The following FMR1NB variants were observed in gnomAD, a reference collection of about 807,000 sequenced individuals.
FMR1NB encodes FMR1 neighbor, also known as FMR1 neighbor protein.
Under a neutral mutation model 16.8 loss-of-function variants are expected in FMR1NB, and 10 were observed. The observed-to-expected ratio is 0.60, with a 90% CI of 0.37 to 1.01. The LOEUF is 1.01. FMR1NB is among the 50% of genes least tolerant of loss of function. The pLI, the probability that FMR1NB is intolerant of heterozygous loss-of-function variation, is 0.01. For missense variants in FMR1NB, 205 were observed against 204.8 expected (o/e 1.00, Z 0.00); for synonymous variants, 83 against 79.1 (o/e 1.05, Z -0.26).
At chrX:148,006,094 G>A (rs2044594766) in intron 2 of FMR1NB, among the ~76,000 whole-genome samples, 1 of 107,825 alleles carries the variant, frequency 9.3e-6, no homozygotes, top group Admixed American at 9.7e-5. Flanking sequence ...TTAGATTCAG[G>A]TATGTACGAA....
chrX:147,999,528 C>G (rs1206772847), intron 1 of FMR1NB, among the ~76,000 whole-genome samples: 12 of 90,242 alleles, frequency 1.3e-4, no homozygotes, highest in African/African-American at 5.4e-4. Context: ...CCAGCTACTT[C>G]TAGTCTTTTT....
intron 4 of FMR1NB, among the ~76,000 whole-genome samples, chrX:148,016,516 T>A (rs1306074428): frequency 8.9e-5 from 10 of 111,753 alleles, no homozygotes; most frequent in African/African-American, 3.3e-4. Context: ...GGTGGCCTTG[T>A]GGTCTTCTCC....
In FMR1NB at chrX:148,000,062, A is replaced by G. The variant is rs7878507; in HGVS notation, c.278-3139A>G. Among the ~76,000 whole-genome samples the G allele has an allele frequency of 3.5e-3, 390 of 111,699 alleles. 2 individuals carry two copies. Among genetic ancestry groups the G allele is most frequent in the African/African-American group, 0.012 (375 of 30,805 alleles). On this transcript the variant is annotated intron_variant, in intron 1 of 5. Transcript: ENST00000370467. Reference sequence around the variant, plus strand: ...CATTTATAATAGAGTTCATTGTGAGAGTACACATTCAAATGTATGTGTATG... The same window carrying G: ...CATTTATAATAGAGTTCATTGTGAGGGTACACATTCAAATGTATGTGTATG...
intron 1 of FMR1NB, among the ~76,000 whole-genome samples, chrX:147,992,409 C>T (rs782611427): frequency 4.6e-5 from 1 of 21,648 alleles, no homozygotes; most frequent in African/African-American, 2.5e-4. Flanking sequence ...CCAGTAGGGG[C>T]CGCCGGGCAG....
At chrX:148,021,867 CCA>C (rs1226785632) in intron 4 of FMR1NB, among the ~76,000 whole-genome samples, 1 of 109,948 alleles carries the variant, frequency 9.1e-6, no homozygotes, top group African/African-American at 3.3e-5. Context: ...CTCTTTTCTC[CCA>C]GTCTGCCATC....
At chrX:147,982,455 G>A (rs191902780) in intron 1 of FMR1NB, among the ~76,000 whole-genome samples, 2,139 of 109,087 alleles carry the variant, frequency 0.02, 45 homozygotes, top group African/African-American at 0.069. Flanking sequence ...TGGGCGTGGT[G>A]GCATTCACCT....
chrX:148,015,315 AATTT>A (rs1377565987), intron 4 of FMR1NB, among the ~76,000 whole-genome samples: 1 of 110,801 alleles, frequency 9.0e-6, no homozygotes, highest in Admixed American at 9.6e-5. Flanking sequence ...CTTCATTTCA[AATTT>A]ATTTATTTCT....
At chrX:148,005,383 C>T (rs1255787651) in intron 2 of FMR1NB, among the ~76,000 whole-genome samples, 2 of 111,200 alleles carry the variant, frequency 1.8e-5, no homozygotes, top group African/African-American at 6.5e-5. Flanking sequence ...AAATCCATCC[C>T]ATCTCTGAGT....
chrX:148,000,787 T>TA (rs1322063368), intron 1 of FMR1NB, among the ~76,000 whole-genome samples: 2 of 111,662 alleles, frequency 1.8e-5, no homozygotes, highest in East Asian at 5.6e-4. Context: ...CATTATGAAA[T>TA]ATTAGCACAT....
At chrX:147,982,164 C>A (rs1338082066) in intron 1 of FMR1NB, among the ~76,000 whole-genome samples, 1 of 111,201 alleles carries the variant, frequency 9.0e-6, no homozygotes, top group African/African-American at 3.3e-5. Flanking sequence ...GTGGTGCACG[C>A]CTGTAATCCC....
chrX:148,017,166 C>T (rs1557190196), intron 4 of FMR1NB, among the ~76,000 whole-genome samples: 1 of 110,798 alleles, frequency 9.0e-6, no homozygotes, highest in Non-Finnish European at 1.9e-5. Context: ...CGTATTTTTC[C>T]TTCAGCACCT....
intron 1 of FMR1NB, among the ~76,000 whole-genome samples, chrX:147,989,803 G>T (rs1557187423): frequency 2.7e-5 from 3 of 111,028 alleles, no homozygotes; most frequent in African/African-American, 9.8e-5. Context: ...GCACAGTCAG[G>T]GGAAAGCCGC....
intron 1 of FMR1NB, among the ~76,000 whole-genome samples, chrX:147,997,702 C>G: frequency 9.0e-6 from 1 of 111,484 alleles, no homozygotes; most frequent in East Asian, 2.8e-4. Context: ...TTTTTGCAAT[C>G]TATCCATCTG....
chrX:147,997,951 A>G (rs2044550863), intron 1 of FMR1NB, among the ~76,000 whole-genome samples: 1 of 112,722 alleles, frequency 8.9e-6, no homozygotes, highest in African/African-American at 3.2e-5. Context: ...ATGTGTGGAA[A>G]CAACAGATGA....
intron 4 of FMR1NB, 91 bp downstream of exon 4, chrX:148,008,802 G>C (rs1171592273): frequency 2.5e-6 from 2 of 799,871 alleles, no homozygotes; most frequent in Non-Finnish European, 3.6e-6. Context: ...CAGAAATACA[G>C]GGATTATGTT....
chrX:147,981,507 G>C lies in FMR1NB; in HGVS notation c.105G>C (p.Glu35Asp), dbSNP rs2044445925. The change falls in exon 1 of 6, where the codon GAG (glutamate) becomes GAC (aspartate). Residue 35 changes from glutamate (E) to aspartate (D), a missense_variant. Coordinates refer to ENST00000370467, the MANE Select transcript of FMR1NB (RefSeq NM_152578.3). ...CAACTTATGAGTTGGCGGCAACTGA[G>C]TCGAATCCCGAGAGCAGCCATCCTG... Reference protein sequence around the residue: ...ELATYELAATESNPESSHPGY... With the variant: ...ELATYELAATDSNPESSHPGY... The C allele has an allele frequency of 3.3e-6, 4 of 1,210,013 alleles. No individual in the cohort carries two copies. The highest frequency in any genetic ancestry group is 3.5e-5 in the African/African-American group (2 of 57,143).
chrX:148,001,124 G>C (rs1003446312), intron 1 of FMR1NB, among the ~76,000 whole-genome samples: 2 of 111,891 alleles, frequency 1.8e-5, no homozygotes, highest in African/African-American at 6.5e-5. Flanking sequence ...TATATATGAT[G>C]CCTGGGAATA....
chrX:147,994,738 A>G (rs1443413262), intron 1 of FMR1NB, among the ~76,000 whole-genome samples: 1 of 112,418 alleles, frequency 8.9e-6, no homozygotes, highest in Non-Finnish European at 1.9e-5. Flanking sequence ...TATAGGTCTA[A>G]CATGTTTTCT....
intron 2 of FMR1NB, 126 bp from the exon 3 acceptor site, chrX:148,006,575 AC>A: frequency 1.6e-6 from 1 of 639,915 alleles, no homozygotes; most frequent in Non-Finnish European, 2.3e-6. Flanking sequence ...TTCTTTTAGC[AC>A]CCATCATTAG....
Sources: gnomAD v4.1 joint callset for allele counts (sites outside exome capture counted in the v4.1 genomes callset) on GRCh38, gnomAD v4.1.1 for gene constraint, MANE v1.5 for transcripts, NCBI Gene and HGNC (gene_info 2026-07-23, HGNC 2026-07-21) for gene names.